The following PPP6R3 variants were observed in gnomAD, a reference collection of about 807,000 sequenced individuals.
PPP6R3 encodes the protein protein phosphatase 6 regulatory subunit 3.
A neutral mutation model predicts 110.7 loss-of-function variants in PPP6R3; 38 were observed. That is an observed-to-expected ratio of 0.34 (90% CI 0.26 to 0.45). PPP6R3 has a LOEUF of 0.45. PPP6R3 is among the 20% of genes least tolerant of loss of function. PPP6R3 has a pLI of 1.00. For missense variants in PPP6R3, 870 were observed against 1,062.4 expected (o/e 0.82, Z 2.52); for synonymous variants, 369 against 373.5 (o/e 0.99, Z 0.14).
chr11:68,578,441 A>C (rs1237522389), intron 14 of PPP6R3, among the ~76,000 whole-genome samples: 1 of 152,142 alleles, frequency 6.6e-6, no homozygotes. Flanking sequence ...CCCTTTCCCA[A>C]ATAGATAAGA....
intron 18 of PPP6R3, among the ~76,000 whole-genome samples, chr11:68,592,420 A>G (rs548149651): frequency 4.6e-5 from 7 of 152,354 alleles, no homozygotes; most frequent in African/African-American, 1.7e-4. Context: ...AGAGTATGCA[A>G]TGAAAAGTAA....
chr11:68,558,731 T>C (rs763137218), intron 8 of PPP6R3, 52 bp downstream of exon 8: 8 of 1,398,808 alleles, frequency 5.7e-6, no homozygotes, highest in Non-Finnish European at 8.0e-6. Flanking sequence ...TGCTTTCAGA[T>C]TTAAGAGTTA....
intron 22 of PPP6R3, among the ~76,000 whole-genome samples, chr11:68,604,658 C>G (rs1381352043): frequency 1.3e-5 from 2 of 152,164 alleles, no homozygotes; most frequent in African/African-American, 4.8e-5. Flanking sequence ...AAAAGTTTAG[C>G]AGGTTTACTG....
chr11:68,614,015 A>C lies in PPP6R3; in HGVS notation c.*898A>C. On this transcript the variant is annotated 3_prime_UTR_variant, in exon 24 of 24. Coordinates refer to ENST00000393800, the MANE Select transcript of PPP6R3 (RefSeq NM_001164161.2). ...CCTTGTTAACAAGCATCACCAATGA[A>C]CATTTCAGAGCAATCTGCATATTTA... The C allele has an allele frequency of 1.0e-6, 1 of 985,628 alleles. No homozygotes were observed. The highest frequency in any genetic ancestry group is 1.2e-6 in the Non-Finnish European group (1 of 829,882). The allele number at this position is 985,628 out of a possible 1,614,324, so 61.1% of individuals were successfully genotyped here.
intron 3 of PPP6R3, among the ~76,000 whole-genome samples, chr11:68,541,892 A>G (rs991393569): frequency 6.6e-6 from 1 of 152,106 alleles, no homozygotes; most frequent in Non-Finnish European, 1.5e-5. Context: ...CATGGAGATC[A>G]TGGGCCCCAT....
Position 68,614,571 on chromosome 11 carries a change from G to T in PPP6R3, c.*1454G>T. 6.6e-7 allele frequency: 1 copy of T among 1,504,336 alleles called. No individual in the cohort carries two copies. The highest frequency in any genetic ancestry group is 8.8e-7 in the Non-Finnish European group (1 of 1,136,488). The allele number at this position is 1,504,336 out of a possible 1,614,324, so 93.2% of individuals were successfully genotyped here. On this transcript the variant is annotated 3_prime_UTR_variant, in exon 24 of 24. Coordinates refer to ENST00000393800, the MANE Select transcript of PPP6R3 (RefSeq NM_001164161.2). Reference sequence around the variant, plus strand: ...CGTGCCTAAACATTACATTGCATATGGAAATAAAAGAATCAAACGTCTAAT... The same window carrying T: ...CGTGCCTAAACATTACATTGCATATTGAAATAAAAGAATCAAACGTCTAAT...
chr11:68,488,061 T>C (rs1027417308), intron 1 of PPP6R3, among the ~76,000 whole-genome samples: 2 of 152,260 alleles, frequency 1.3e-5, no homozygotes, highest in African/African-American at 4.8e-5. Flanking sequence ...AAATACACAT[T>C]AAGGATTGTT....
At chr11:68,609,739 C>CT in intron 22 of PPP6R3, 165 bp from the exon 23 acceptor site, 1 of 1,554,452 alleles carries the variant, frequency 6.4e-7, no homozygotes, top group Non-Finnish European at 8.9e-7. Flanking sequence ...TCCCCAGTCA[C>CT]TGTCTGTGGT....
rs757671530 is a variant in PPP6R3, at chr11:68,600,395, C to T, written c.2093C>T (p.Pro698Leu). Residue 698 changes from proline (P) to leucine (L), a missense_variant, in exon 20 of 24, where the codon CCA (proline) becomes CTA (leucine). Pro to Leu is a moderately conservative substitution (Grantham distance 98). Coordinates refer to ENST00000393800, the MANE Select transcript of PPP6R3 (RefSeq NM_001164161.2). The part of the protein sequence containing the change: ...DVPMETTHGA[P>L]LDSVGSDVWS... Reference sequence around the variant, plus strand: ...CCAATGGAAACAACCCACGGTGCTCCATTGGATTCTGTGGGATCTGATGTC... The same window carrying T: ...CCAATGGAAACAACCCACGGTGCTCTATTGGATTCTGTGGGATCTGATGTC... 7 of 1,614,018 alleles carry T rather than the reference C, an allele frequency of 4.3e-6. No individual in the cohort carries two copies. In the South Asian group the frequency reaches 7.7e-5, roughly 18 times the overall value.
chr11:68,585,875 C>A (rs2099576895), intron 15 of PPP6R3, among the ~76,000 whole-genome samples: 1 of 152,140 alleles, frequency 6.6e-6, no homozygotes, highest in Admixed American at 6.5e-5. Context: ...TATTTGCATT[C>A]TATTTTTGAA....
At chr11:68,494,408 CAAAAAA>C (rs35190764) in intron 1 of PPP6R3, among the ~76,000 whole-genome samples, 2 of 60,382 alleles carry the variant, frequency 3.3e-5, no homozygotes, top group East Asian at 1.2e-3. Context: ...CCTGTAATCT[CAAAAAA>C]AAAAAAAAAA....
intron 21 of PPP6R3, 80 bp downstream of exon 21, chr11:68,602,049 G>T (rs2099633495): frequency 2.6e-6 from 3 of 1,137,684 alleles, no homozygotes; most frequent in Non-Finnish European, 1.3e-6. Flanking sequence ...AGGCTCAGGG[G>T]CTAGTGGAGC....
chr11:68,506,952 G>A (rs76127095), intron 1 of PPP6R3, among the ~76,000 whole-genome samples: 4,399 of 152,226 alleles, frequency 0.029, 243 homozygotes, highest in African/African-American at 0.1. Flanking sequence ...TTTGCTGTGC[G>A]TCCCTGCCCA....
intron 8 of PPP6R3, among the ~76,000 whole-genome samples, chr11:68,559,042 A>C (rs900909420): frequency 1.1e-4 from 17 of 152,244 alleles, no homozygotes; most frequent in African/African-American, 4.1e-4. Context: ...GTTCCTGGTC[A>C]GTGGGTAGCT....
At chr11:68,601,566 G>A (rs917679781) in intron 20 of PPP6R3, among the ~76,000 whole-genome samples, 1 of 152,206 alleles carries the variant, frequency 6.6e-6, no homozygotes, top group Non-Finnish European at 1.5e-5. Flanking sequence ...GAGCCTCCTA[G>A]TGACTATGGT....
chr11:68,564,502 G>C, intron 9 of PPP6R3, 70 bp downstream of exon 9: 1 of 1,529,876 alleles, frequency 6.5e-7, no homozygotes, highest in Non-Finnish European at 8.9e-7. Context: ...GAATGTGTAC[G>C]GGCCTTAGGA....
intron 22 of PPP6R3, chr11:68,609,402 C>T: frequency 1.4e-6 from 1 of 710,072 alleles, no homozygotes; most frequent in Non-Finnish European, 2.6e-6. Context: ...TGGGGTCTGT[C>T]TTGCTGCTTT....
In PPP6R3 at chr11:68,565,880, C is replaced by T. The variant is rs113963213; in HGVS notation, c.976-1134C>T. 3.9e-3 allele frequency among the ~76,000 whole-genome samples: 597 copies of T among 152,204 alleles called. 2 individuals are homozygous for T. The highest frequency in any genetic ancestry group is 0.014 in the African/African-American group (572 of 41,542). On this transcript the variant is annotated intron_variant, in intron 9 of 23. Coordinates refer to ENST00000393800, the MANE Select transcript of PPP6R3 (RefSeq NM_001164161.2). ...AAGCCTGCCAATTAGAGCTGTTTTC[C>T]ATAGAGAGCAGAACTGTGGGCCTTA...
chr11:68,490,608 T>A (rs751740438), intron 1 of PPP6R3, among the ~76,000 whole-genome samples: 1 of 152,116 alleles, frequency 6.6e-6, no homozygotes, highest in African/African-American at 2.4e-5. Context: ...AGTTGTCCCA[T>A]AGTTCTTGGA....
Sources: gnomAD v4.1 joint callset for allele counts (sites outside exome capture counted in the v4.1 genomes callset) on GRCh38, gnomAD v4.1.1 for gene constraint, MANE v1.5 for transcripts, NCBI Gene and HGNC (gene_info 2026-07-23, HGNC 2026-07-21) for gene names.